Variants in RAD23B observed in about 807,000 individuals in gnomAD.
RAD23B encodes the protein RAD23 nucleotide excision repair protein B.
In RAD23B, 5 loss-of-function variants were observed where a neutral mutation model predicts 49.1. The ratio of observed to expected loss-of-function variants is 0.10; its 90% CI spans 0.05 to 0.21. The LOEUF (loss-of-function observed/expected upper bound fraction) is 0.21. Among genes scored for constraint, RAD23B ranks in the 10% least tolerant of loss-of-function variants. The pLI is 1.00. For missense variants in RAD23B, 356 were observed against 486.7 expected (o/e 0.73, Z 2.53); for synonymous variants, 184 against 165.4 (o/e 1.11, Z -0.86).
intron 4 of RAD23B, 148 bp downstream of exon 4, chr9:107,306,795 C>T (rs1826787775): frequency 1.1e-6 from 1 of 877,320 alleles, no homozygotes; most frequent in Non-Finnish European, 1.7e-6. Flanking sequence ...TATGCTGCGT[C>T]TGTTTTGATA....
At chr9:107,302,686 C>T (rs1433338854) in intron 3 of RAD23B, among the ~76,000 whole-genome samples, 7 of 144,398 alleles carry the variant, frequency 4.8e-5, no homozygotes, top group African/African-American at 1.3e-4. Context: ...GACGGAGTCT[C>T]GCTCTGTTGC....
In RAD23B at chr9:107,324,826, C is replaced by G. The variant is rs1827173002; in HGVS notation, c.946-8C>G. ...TATTATTTTTCTCTGTCCTTCATAT[C>G]ACCACAGCAAATTAGCCAACACCAG... On this transcript the variant is annotated splice_region_variant and splice_polypyrimidine_tract_variant and intron_variant, in intron 8 of 9. Coordinates refer to ENST00000358015, the MANE Select transcript of RAD23B (RefSeq NM_002874.5). 4 of 1,594,316 alleles carry G rather than the reference C, an allele frequency of 2.5e-6. No homozygotes were observed. The highest frequency in any genetic ancestry group is 1.7e-6 in the Non-Finnish European group (2 of 1,171,802).
chr9:107,297,006 C>A (rs1235352700), intron 1 of RAD23B, among the ~76,000 whole-genome samples: 1 of 151,966 alleles, frequency 6.6e-6, no homozygotes, highest in African/African-American at 2.4e-5. Context: ...AAGTGTGCAC[C>A]ACCATGCCCG....
In RAD23B at chr9:107,302,053, A is replaced by G. The variant is rs201722512; in HGVS notation, c.167A>G (p.Asp56Gly). Residue 56 changes from aspartate to glycine, a missense_variant, in exon 3 of 10, where the codon GAT (aspartate) becomes GGT (glycine). Around this residue, in one of 5 missense-constraint regions of RAD23B, gnomAD observed 32 missense variants for 62.3 expected, o/e 0.51. Coordinates refer to ENST00000358015, the MANE Select transcript of RAD23B (RefSeq NM_002874.5). ...GTATTAGGCAAAATCCTCAATGATG[A>G]TACTGCTCTCAAAGAATATAAAATT... Reference protein sequence around the residue: ...LIYAGKILNDDTALKEYKIDE... With the variant: ...LIYAGKILNDGTALKEYKIDE... The G allele has an allele frequency of 3.1e-6, 5 of 1,612,920 alleles. No homozygotes were observed. In the East Asian group the frequency reaches 1.1e-4, roughly 36 times the overall value.
At chr9:107,322,957 C>G (rs1202744238) in intron 7 of RAD23B, among the ~76,000 whole-genome samples, 1 of 152,134 alleles carries the variant, frequency 6.6e-6, no homozygotes, top group Non-Finnish European at 1.5e-5. Flanking sequence ...AGTCTCGTTG[C>G]CTTCACCTGT....
chr9:107,290,253 C>T (rs1388756143), intron 1 of RAD23B, among the ~76,000 whole-genome samples: 1 of 152,230 alleles, frequency 6.6e-6, no homozygotes, highest in East Asian at 1.9e-4. Flanking sequence ...GCGGTGCTAT[C>T]TAAGGCAGGT....
intron 3 of RAD23B, 125 bp downstream of exon 3, chr9:107,302,239 A>G: frequency 7.8e-7 from 1 of 1,276,606 alleles, no homozygotes; most frequent in Non-Finnish European, 1.0e-6. Flanking sequence ...ACTACTATGA[A>G]AGGTTTTTAA....
chr9:107,290,069 T>C (rs1464278021), intron 1 of RAD23B, among the ~76,000 whole-genome samples: 2 of 152,244 alleles, frequency 1.3e-5, no homozygotes, highest in Non-Finnish European at 2.9e-5. Context: ...GTCCAGTCAC[T>C]CTTCCACTGC....
intron 5 of RAD23B, among the ~76,000 whole-genome samples, chr9:107,315,334 G>A (rs1281458238): frequency 6.6e-6 from 1 of 152,096 alleles, no homozygotes; most frequent in African/African-American, 2.4e-5. Flanking sequence ...ATTGATTGAT[G>A]TGTCTGTTTT....
intron 6 of RAD23B, among the ~76,000 whole-genome samples, chr9:107,319,129 T>TTTC (rs1491313151): frequency 6.0e-4 from 2 of 3,318 alleles, no homozygotes; most frequent in Admixed American, 1.6e-3. Context: ...TTCTTTTTTC[T>TTTC]TTTTTTTTTT....
chr9:107,321,241 T>TTTTTTGAGATACTTTAAGTATCTCA, intron 6 of RAD23B, among the ~76,000 whole-genome samples: 1 of 149,938 alleles, frequency 6.7e-6, no homozygotes, highest in Non-Finnish European at 1.5e-5. Context: ...CTTTATCTCA[T>TTTTTTGAGATACTTTAAGTATCTCA]TTTTTGAGAT....
At position 107,318,367 on chromosome 9, in the gene RAD23B, T is replaced by TCTC. The variant is rs781244562; in HGVS notation, c.554-375_554-373dup. Among the ~76,000 whole-genome samples, 2 of 152,184 alleles carry TCTC rather than the reference T, an allele frequency of 1.3e-5. No homozygotes were observed. Among genetic ancestry groups the TCTC allele is most frequent in the Non-Finnish European group, 2.9e-5 (2 of 68,026 alleles). Reference sequence around the variant, plus strand: ...CATAACATCTCTCATCCTGGTTTTGTCTCCTCCTCCTCACACCTGTTTCTC... The same window carrying TCTC: ...CATAACATCTCTCATCCTGGTTTTGTCTCCTCCTCCTCCTCACACCTGTTTCTC... On this transcript the variant is annotated intron_variant, in intron 5 of 9. Coordinates refer to ENST00000358015, the MANE Select transcript of RAD23B (RefSeq NM_002874.5). This position sits in a 1 kb window ranked among gnomAD's most constrained non-coding sequence, Gnocchi z 4.3.
intron 5 of RAD23B, among the ~76,000 whole-genome samples, chr9:107,314,985 T>C (rs1460491976): frequency 6.6e-6 from 1 of 152,198 alleles, no homozygotes; most frequent in Non-Finnish European, 1.5e-5. Context: ...CACTTTTTAA[T>C]GGGGTTATTT....
chr9:107,315,508 T>G (rs1357649817), intron 5 of RAD23B, among the ~76,000 whole-genome samples: 7 of 152,220 alleles, frequency 4.6e-5, no homozygotes, highest in Non-Finnish European at 7.4e-5. Context: ...GTTTTTGTTT[T>G]TTTTGTTTTG....
chr9:107,284,124 T>G, intron 1 of RAD23B: 1 of 993,526 alleles, frequency 1.0e-6, no homozygotes, highest in Non-Finnish European at 1.2e-6. Context: ...TTCCCAGAGT[T>G]GGTAACCCGA....
chr9:107,296,938 T>C (rs1190903883), intron 1 of RAD23B, among the ~76,000 whole-genome samples: 1 of 145,866 alleles, frequency 6.9e-6, no homozygotes, highest in Non-Finnish European at 1.5e-5. Context: ...CACTGCAACC[T>C]CCAGCTCCCT....
intron 9 of RAD23B, among the ~76,000 whole-genome samples, chr9:107,325,373 C>G (rs1468914685): frequency 6.7e-6 from 1 of 149,450 alleles, no homozygotes; most frequent in African/African-American, 2.5e-5. Flanking sequence ...ATTTCAAATG[C>G]TCAGAAGTCA....
chr9:107,293,077 A>G (rs1050576008), intron 1 of RAD23B, among the ~76,000 whole-genome samples: 1 of 151,614 alleles, frequency 6.6e-6, no homozygotes, highest in African/African-American at 2.4e-5. Context: ...TTCCCACTGA[A>G]AGTGACTTCC....
intron 5 of RAD23B, among the ~76,000 whole-genome samples, chr9:107,312,402 T>G (rs2133085637): frequency 6.6e-6 from 1 of 152,280 alleles, no homozygotes; most frequent in South Asian, 2.1e-4. Flanking sequence ...AACAGCAGCT[T>G]TGGTGCAGTA....
Sources: gnomAD v4.1 joint callset for allele counts (sites outside exome capture counted in the v4.1 genomes callset) on GRCh38, gnomAD v4.1.1 for gene constraint, gnomAD v4.1.1 regional missense constraint, Gnocchi (gnomAD v3.1) non-coding constraint, MANE v1.5 for transcripts, NCBI Gene and HGNC (gene_info 2026-07-23, HGNC 2026-07-21) for gene names.